Variants in ADCY2 observed in about 807,000 individuals in gnomAD.
ADCY2 encodes the protein adenylate cyclase type 2.
A neutral mutation model predicts 125.2 loss-of-function variants in ADCY2; 31 were observed. The observed-to-expected ratio is 0.25, with a 90% confidence interval of 0.19 to 0.33. The LOEUF is 0.33. ADCY2 is among the 10% of genes least tolerant of loss of function. The probability of loss-of-function intolerance (pLI) is 1.00; values close to 1 mark genes in which losing one functional copy is unlikely to be tolerated. For missense variants in ADCY2, 904 were observed against 1,418.2 expected (o/e 0.64, Z 5.82); for synonymous variants, 512 against 548.4 (o/e 0.93, Z 0.93).
intron 3 of ADCY2, among the ~76,000 whole-genome samples, chr5:7,624,832 A>G (rs1008770833): frequency 1.3e-5 from 2 of 152,076 alleles, no homozygotes; most frequent in Non-Finnish European, 2.9e-5. Context: ...CTTGTTATTA[A>G]AGCCACTAGT....
At chr5:7,638,479 T>C (rs1049690965) in intron 4 of ADCY2, among the ~76,000 whole-genome samples, 2 of 152,074 alleles carry the variant, frequency 1.3e-5, no homozygotes, top group South Asian at 2.1e-4. Flanking sequence ...GAACCAATGA[T>C]TGGAGGAACA....
Position 7,459,715 on chromosome 5 carries a change from A to G in ADCY2, c.408+44945A>G, listed in dbSNP as rs1048744183. 8.6e-5 allele frequency among the ~76,000 whole-genome samples: 13 copies of G among 150,732 alleles called. 1 individual carries two copies. The South Asian group carries it at 2.5e-3, about 29-fold the overall frequency. On this transcript the variant is annotated intron_variant, in intron 2 of 24. Coordinates refer to ENST00000338316, the MANE Select transcript of ADCY2 (RefSeq NM_020546.3). ...ACCTCTAGACATGACACATAACATT[A>G]GCAACATATAACCTTAATAAGTCAA...
At chr5:7,815,958 GTCGGGCCTCTT>G (rs762274437) in intron 22 of ADCY2, among the ~76,000 whole-genome samples, 8 of 152,212 alleles carry the variant, frequency 5.3e-5, no homozygotes, top group Non-Finnish European at 5.9e-5. Flanking sequence ...TTCTCCCCCT[GTCGGGCCTCTT>G]TCCTTCCTCT....
intron 3 of ADCY2, among the ~76,000 whole-genome samples, chr5:7,608,083 A>G (rs1485710239): frequency 6.6e-6 from 1 of 152,242 alleles, no homozygotes; most frequent in Non-Finnish European, 1.5e-5. Flanking sequence ...GCAGGCAAAA[A>G]AGAATTAATT....
chr5:7,719,517 C>T (rs781765569), intron 12 of ADCY2, among the ~76,000 whole-genome samples: 3 of 152,188 alleles, frequency 2.0e-5, no homozygotes, highest in African/African-American at 7.2e-5. Flanking sequence ...GCTTGATGTA[C>T]CATTCACTTG....
intron 18 of ADCY2, among the ~76,000 whole-genome samples, chr5:7,781,010 A>C (rs547822686): frequency 1.3e-4 from 20 of 152,312 alleles, no homozygotes; most frequent in African/African-American, 4.8e-4. Context: ...TTAGATAAGA[A>C]AGGAAGTGTG....
chr5:7,516,350 C>A (rs995229637), intron 2 of ADCY2, among the ~76,000 whole-genome samples: 42 of 152,060 alleles, frequency 2.8e-4, no homozygotes, highest in Non-Finnish European at 1.2e-4. Flanking sequence ...GTAAGACATC[C>A]CATGAGTGTG....
At chr5:7,809,825 C>G (rs1210453010) in intron 22 of ADCY2, among the ~76,000 whole-genome samples, 1 of 152,220 alleles carries the variant, frequency 6.6e-6, no homozygotes, top group African/African-American at 2.4e-5. Context: ...TAATTTTAAG[C>G]TTAAGTCAAC....
intron 3 of ADCY2, among the ~76,000 whole-genome samples, chr5:7,552,058 G>C (rs969225051): frequency 2.6e-5 from 4 of 152,060 alleles, no homozygotes; most frequent in Admixed American, 2.6e-4. Flanking sequence ...ACTATCAATG[G>C]CTTAATGAGA....
intron 2 of ADCY2, among the ~76,000 whole-genome samples, chr5:7,460,892 G>T (rs866450557): frequency 6.6e-6 from 1 of 152,160 alleles, no homozygotes; most frequent in African/African-American, 2.4e-5. Context: ...TTTAAGCTTT[G>T]CTTCTATCAT....
chr5:7,648,048 T>C (rs1306275449), intron 4 of ADCY2, among the ~76,000 whole-genome samples: 5 of 152,218 alleles, frequency 3.3e-5, no homozygotes, highest in East Asian at 3.9e-4. Context: ...CTTATCATAA[T>C]AGGTTTTCTT....
intron 4 of ADCY2, 83 bp downstream of exon 4, chr5:7,626,399 A>G (rs887540221): frequency 1.0e-5 from 15 of 1,468,752 alleles, no homozygotes; most frequent in Non-Finnish European, 1.8e-6. Context: ...AGTGTCGTTC[A>G]TTCATTCATG....
rs535124927 is a variant in ADCY2 at position 7,439,269 on chromosome 5, G to A, written c.408+24499G>A. 4.6e-5 allele frequency among the ~76,000 whole-genome samples: 7 copies of A among 152,256 alleles called. No homozygotes were observed. In the South Asian group the frequency reaches 1.4e-3, roughly 32 times the overall value. On this transcript the variant is annotated intron_variant, in intron 2 of 24. Coordinates refer to ENST00000338316, the MANE Select transcript of ADCY2 (RefSeq NM_020546.3). ...TTGACTCACAGTTTTACCTGGCTGG[G>A]CAGGCCTCACAATCATGGCTCAAGG... is the stretch of plus-strand genomic sequence containing the variant.
At chr5:7,739,884 G>T (rs952257508) in intron 14 of ADCY2, among the ~76,000 whole-genome samples, 1 of 151,920 alleles carries the variant, frequency 6.6e-6, no homozygotes, top group African/African-American at 2.4e-5. Context: ...ATTTAACTGT[G>T]CATGTATCTA....
At chr5:7,489,395 T>G (rs1463879520) in intron 2 of ADCY2, among the ~76,000 whole-genome samples, 1 of 152,186 alleles carries the variant, frequency 6.6e-6, no homozygotes, top group African/African-American at 2.4e-5. Context: ...TTCCTTGGGT[T>G]GCTTCTTCAA....
At chr5:7,672,294 C>T (rs367780958) in intron 4 of ADCY2, among the ~76,000 whole-genome samples, 2 of 152,158 alleles carry the variant, frequency 1.3e-5, no homozygotes, top group Admixed American at 6.5e-5. Flanking sequence ...AAATGCCCTT[C>T]GGATGAAGGA....
At chr5:7,536,933 T>C (rs913156935) in intron 3 of ADCY2, among the ~76,000 whole-genome samples, 1 of 152,212 alleles carries the variant, frequency 6.6e-6, no homozygotes, top group Non-Finnish European at 1.5e-5. Flanking sequence ...TTCACGTTGA[T>C]CTAACATATT....
At chr5:7,453,274 G>T (rs993403503) in intron 2 of ADCY2, among the ~76,000 whole-genome samples, 1 of 152,104 alleles carries the variant, frequency 6.6e-6, no homozygotes, top group Non-Finnish European at 1.5e-5. Context: ...GTTTCTTTTT[G>T]TATAAGGTGA....
At chr5:7,595,922 G>T (rs1181607908) in intron 3 of ADCY2, among the ~76,000 whole-genome samples, 2 of 152,182 alleles carry the variant, frequency 1.3e-5, no homozygotes, top group Non-Finnish European at 2.9e-5. Flanking sequence ...AAATATTTTT[G>T]ATCTGCAGTT....
Sources: allele counts gnomAD v4.1 joint callset (sites outside exome capture counted in the v4.1 genomes callset), GRCh38; gene constraint gnomAD v4.1.1; transcripts MANE v1.5; gene names NCBI Gene and HGNC (gene_info 2026-07-23, HGNC 2026-07-21).